RAD54L2: variants seen among roughly 807,000 people sequenced by gnomAD.
The protein encoded by RAD54L2 is helicase ARIP4.
Under a neutral mutation model 138.4 loss-of-function variants are expected in RAD54L2, and 27 were observed. The observed-to-expected ratio is 0.20, with a 90% CI of 0.14 to 0.27. RAD54L2 has a LOEUF of 0.27. Ranked by LOEUF, RAD54L2 falls within the 10% of genes least tolerant of loss-of-function variation. RAD54L2 has a pLI of 1.00. For missense variants in RAD54L2, 1,396 were observed against 1,890.2 expected (o/e 0.74, Z 4.85); for synonymous variants, 644 against 723.2 (o/e 0.89, Z 1.76).
At chr3:51,650,669 C>T (rs1701407080) in intron 19 of RAD54L2, among the ~76,000 whole-genome samples, 1 of 152,180 alleles carries the variant, frequency 6.6e-6, no homozygotes, top group South Asian at 2.1e-4. Context: ...AACTGAACAA[C>T]CTGCTCCTGA....
At chr3:51,543,640 C>T (rs1251091999) in intron 2 of RAD54L2, among the ~76,000 whole-genome samples, 4 of 149,680 alleles carry the variant, frequency 2.7e-5, no homozygotes, top group African/African-American at 4.9e-5. Context: ...GTAAATAATA[C>T]ACCTCTGGTC....
intron 20 of RAD54L2, among the ~76,000 whole-genome samples, chr3:51,656,602 C>T (rs1701606911): frequency 6.6e-6 from 1 of 152,174 alleles, no homozygotes; most frequent in South Asian, 2.1e-4. Flanking sequence ...ATAAATTGAG[C>T]ATGGTGGGCC....
At chr3:51,539,284 T>G (rs1478573865) in intron 1 of RAD54L2, among the ~76,000 whole-genome samples, 1 of 152,076 alleles carries the variant, frequency 6.6e-6, no homozygotes, top group Non-Finnish European at 1.5e-5. Context: ...GTATTTGGAA[T>G]TTTAGGGGCT....
intron 2 of RAD54L2, among the ~76,000 whole-genome samples, chr3:51,564,958 A>G (rs192230797): frequency 6.6e-6 from 1 of 152,210 alleles, no homozygotes; most frequent in East Asian, 1.9e-4. Context: ...GTAAGTTCAA[A>G]TGAGGGAAGC....
intron 2 of RAD54L2, among the ~76,000 whole-genome samples, chr3:51,575,866 C>G (rs1476046956): frequency 2.6e-5 from 4 of 152,236 alleles, no homozygotes; most frequent in South Asian, 4.2e-4. Context: ...TTGCCCTGGC[C>G]AGAACTTCCA....
At chr3:51,567,690 A>G (rs1382307042) in intron 2 of RAD54L2, among the ~76,000 whole-genome samples, 1 of 152,126 alleles carries the variant, frequency 6.6e-6, no homozygotes, top group African/African-American at 2.4e-5. Flanking sequence ...ATCCAAGCTC[A>G]AAATATGTAA....
At chr3:51,610,465 G>A (rs909276046) in intron 3 of RAD54L2, among the ~76,000 whole-genome samples, 3 of 151,788 alleles carry the variant, frequency 2.0e-5, no homozygotes, top group South Asian at 2.1e-4. Context: ...TTAGCTGGGC[G>A]TGCTAGCAGG....
intron 19 of RAD54L2, among the ~76,000 whole-genome samples, chr3:51,654,606 C>T (rs1701550749): frequency 6.6e-6 from 1 of 152,196 alleles, no homozygotes; most frequent in Admixed American, 6.5e-5. Flanking sequence ...ATGGTCTCTT[C>T]TCTTTTCCTC....
At chr3:51,627,093 C>T (rs1400842398) in intron 3 of RAD54L2, among the ~76,000 whole-genome samples, 1 of 152,034 alleles carries the variant, frequency 6.6e-6, no homozygotes, top group African/African-American at 2.4e-5. Context: ...GCCATAAGCC[C>T]TCATGAAATG....
intron 22 of RAD54L2, among the ~76,000 whole-genome samples, chr3:51,661,632 C>T (rs541465019): frequency 6.6e-6 from 1 of 152,194 alleles, no homozygotes; most frequent in African/African-American, 2.4e-5. Context: ...AGCTAGAATG[C>T]TAGAGGGCTA....
chr3:51,619,254 T>A (rs1238549459), intron 3 of RAD54L2, among the ~76,000 whole-genome samples: 2 of 152,286 alleles, frequency 1.3e-5, no homozygotes, highest in East Asian at 3.9e-4. Context: ...AGGTGGGGTT[T>A]CACCATGTTG....
Position 51,643,856 on chromosome 3 carries a change from G to C in RAD54L2, c.2351-19G>C. 6.4e-7 allele frequency: 1 copy of C among 1,568,062 alleles called. No individual in the cohort carries two copies. Among genetic ancestry groups the C allele is most frequent in the Admixed American group, 1.8e-5 (1 of 55,934 alleles). ...TTGCTCTAATATATCCACTGCTTATGGTTTTCCTTCCTTCCTAGGGCTAGA... is the reference window on the plus strand; with the variant it reads ...TTGCTCTAATATATCCACTGCTTATCGTTTTCCTTCCTTCCTAGGGCTAGA... On this transcript the variant is annotated intron_variant, in intron 15 of 22. Coordinates refer to ENST00000684192, the MANE Select transcript of RAD54L2 (RefSeq NM_015106.4).
In RAD54L2 at chr3:51,627,903, A is replaced by G. The variant is rs1234572573; in HGVS notation, c.341+149A>G. 8 of 883,898 alleles carry G rather than the reference A, an allele frequency of 9.1e-6. No individual in the cohort carries two copies. In the Admixed American group the frequency reaches 2.0e-4, roughly 22 times the overall value. 54.8% of individuals were successfully genotyped at this position (883,898 alleles called of 1,614,324 possible). A position where few individuals can be genotyped will look rare whatever the true frequency, so the allele number is the denominator to read the frequency against. On this transcript the variant is annotated intron_variant, in intron 4 of 22. Coordinates refer to ENST00000684192, the MANE Select transcript of RAD54L2 (RefSeq NM_015106.4). Reference sequence around the variant, plus strand: ...CAGGTGTGTGTCTTCATTAATAGTGAAGGTGCAGCTCAGGATCACTGGACT... The same window carrying G: ...CAGGTGTGTGTCTTCATTAATAGTGGAGGTGCAGCTCAGGATCACTGGACT...
At chr3:51,580,286 T>C (rs1423205334) in intron 2 of RAD54L2, among the ~76,000 whole-genome samples, 1 of 152,118 alleles carries the variant, frequency 6.6e-6, no homozygotes, top group Non-Finnish European at 1.5e-5. Flanking sequence ...AACGGTGAAG[T>C]GGAAGAGATG....
At chr3:51,589,275 C>T (rs538094080) in intron 2 of RAD54L2, among the ~76,000 whole-genome samples, 4 of 152,110 alleles carry the variant, frequency 2.6e-5, no homozygotes, top group Non-Finnish European at 5.9e-5. Context: ...ATGTGCCTGT[C>T]GTCCTAGCTA....
intron 2 of RAD54L2, among the ~76,000 whole-genome samples, chr3:51,563,081 G>T (rs190816573): frequency 1.3e-5 from 2 of 151,956 alleles, no homozygotes; most frequent in Non-Finnish European, 2.9e-5. Flanking sequence ...CTGACCTGTC[G>T]TGTGTATCTT....
chr3:51,575,824 T>C (rs1293809788), intron 2 of RAD54L2, among the ~76,000 whole-genome samples: 3 of 152,192 alleles, frequency 2.0e-5, no homozygotes, highest in African/African-American at 7.2e-5. Flanking sequence ...CTTTTCCTAA[T>C]TGAATACCCT....
intron 3 of RAD54L2, among the ~76,000 whole-genome samples, chr3:51,606,448 A>AT (rs1700182013): frequency 6.6e-6 from 1 of 151,826 alleles, no homozygotes; most frequent in African/African-American, 2.4e-5. Flanking sequence ...CAAGGATGAG[A>AT]TTTTTTTTCC....
chr3:51,603,105 C>A (rs967546479), intron 3 of RAD54L2, among the ~76,000 whole-genome samples: 3 of 148,066 alleles, frequency 2.0e-5, no homozygotes, highest in Non-Finnish European at 4.4e-5. Flanking sequence ...AGTTTGAGAC[C>A]AGCCTAGGCA....
Sources: allele counts gnomAD v4.1 joint callset (sites outside exome capture counted in the v4.1 genomes callset), GRCh38; gene constraint gnomAD v4.1.1; transcripts MANE v1.5; gene names NCBI Gene and HGNC (gene_info 2026-07-23, HGNC 2026-07-21).